CDK4: variants seen among roughly 807,000 people sequenced by gnomAD.
CDK4 encodes the protein cyclin-dependent kinase 4.
In CDK4, 13 loss-of-function variants were observed where a neutral mutation model predicts 36.7. That is an observed-to-expected ratio of 0.35 (90% CI 0.23 to 0.56). CDK4 has a LOEUF of 0.56. CDK4 is among the 20% of genes least tolerant of loss of function. The pLI is 0.85. For missense variants in CDK4, 285 were observed against 387.3 expected (o/e 0.74, Z 2.22); for synonymous variants, 158 against 146.4 (o/e 1.08, Z -0.57).
At chr12:57,750,607 C>G (rs780676144) in intron 5 of CDK4, 49 bp downstream of exon 5, 8 of 1,286,482 alleles carry the variant, frequency 6.2e-6, no homozygotes, top group Non-Finnish European at 7.9e-6. Flanking sequence ...GGTTTATGAA[C>G]AAGCGATTTG....
At position 57,751,199 on chromosome 12, in the gene CDK4, CCA is replaced by C; in HGVS notation, c.354+6_354+7del. 6.2e-7 allele frequency: 1 copy of C among 1,614,174 alleles called. No homozygotes were observed. Among genetic ancestry groups the C allele is most frequent in the Non-Finnish European group, 8.5e-7 (1 of 1,180,034 alleles). On this transcript the variant is annotated splice_donor_region_variant and intron_variant, in intron 3 of 7. Coordinates refer to ENST00000257904, the MANE Select transcript of CDK4 (RefSeq NM_000075.4). This position sits in a 1 kb window ranked among gnomAD's most constrained non-coding sequence, Gnocchi z 4.5. ...ATCCACCTCTCAATGCCTACCAACC[CCA>C]CTCACCTTGATCGTTTCGGCTGGCA...
chr12:57,749,383 G>C (rs2140383484), intron 6 of CDK4, 66 bp from the exon 7 acceptor site: 1 of 1,613,174 alleles, frequency 6.2e-7, no homozygotes. Context: ...GGCAGAGCCA[G>C]TTGCCATCCT....
At chr12:57,750,429 T>C in intron 5 of CDK4, 4 of 529,454 alleles carry the variant, frequency 7.6e-6, no homozygotes, top group South Asian at 7.3e-5. Context: ...TAGCCAAGCA[T>C]GGAGGTGCGT....
At chr12:57,750,513 G>A (rs534816086) in intron 5 of CDK4, 143 bp downstream of exon 5, 19 of 728,148 alleles carry the variant, frequency 2.6e-5, no homozygotes, top group African/African-American at 1.7e-4. Context: ...GCTGCAGTGA[G>A]CTGTGATCAT....
In CDK4 at chr12:57,751,955, CT is replaced by C; in HGVS notation, c.-20+219del. 1.7e-6 allele frequency: 1 copy of C among 577,188 alleles called. No homozygotes were observed. Among genetic ancestry groups the C allele is most frequent in the South Asian group, 2.0e-5 (1 of 50,132 alleles). The allele number at this position is 577,188 out of a possible 1,614,324, so 35.8% of individuals were successfully genotyped here. On this transcript the variant is annotated intron_variant, in intron 1 of 7. Coordinates refer to ENST00000257904, the MANE Select transcript of CDK4 (RefSeq NM_000075.4). This position sits in a 1 kb window ranked among gnomAD's most constrained non-coding sequence, Gnocchi z 4.5. ...GCCCTGCAATAGAAAACGCTTTTTCCTTTGGGACAATCGCGCCCCGCACAAA... is the reference window on the plus strand; with the variant it reads ...GCCCTGCAATAGAAAACGCTTTTTCCTTGGGACAATCGCGCCCCGCACAAA...
chr12:57,751,308 G>C lies in CDK4; in HGVS notation c.253C>G (p.Arg85Gly), dbSNP rs759017803. The change falls in exon 3 of 8, where the codon CGG becomes GGG. Residue 85 changes from arginine to glycine, a missense_variant. Transcript: ENST00000257904. This position sits in a 1 kb window ranked among gnomAD's most constrained non-coding sequence, Gnocchi z 4.5. Reference sequence around the variant, plus strand: ...AACACCAGGGTTACCTTGATCTCCCGGTCAGTTCGGGATGTGGCACAGACG... The same window carrying C: ...AACACCAGGGTTACCTTGATCTCCCCGTCAGTTCGGGATGTGGCACAGACG... ...MDVCATSRTD[R>G]EIKVTLVFEH... 6.2e-7 allele frequency: 1 copy of C among 1,614,088 alleles called. No homozygotes were observed. The highest frequency in any genetic ancestry group is 8.5e-7 in the Non-Finnish European group (1 of 1,180,042).
At chr12:57,750,062 G>A (rs1338957034) in intron 5 of CDK4, 5 of 159,684 alleles carry the variant, frequency 3.1e-5, no homozygotes, top group Non-Finnish European at 5.5e-5. Context: ...GCTGAGATGG[G>A]AGGATTGCTT....
At position 57,748,221 on chromosome 12, in the gene CDK4, T is replaced by TA. The variant is rs59185470; in HGVS notation, c.*303dup. ...CAAAGCCAAACAGAGGAAGAAACAT[T>TA]AAAAAAAAAAAAAAGACCATTATTT... On this transcript the variant is annotated 3_prime_UTR_variant, in exon 8 of 8. Coordinates refer to ENST00000257904, the MANE Select transcript of CDK4 (RefSeq NM_000075.4). 24,042 of 314,530 alleles carry TA rather than the reference T, an allele frequency of 0.076. 101 individuals are homozygous for TA. Among genetic ancestry groups the TA allele is most frequent in the Middle Eastern group, 0.089 (91 of 1,018 alleles). The allele number at this position is 314,530 out of a possible 1,614,324, so 19.5% of individuals were successfully genotyped here. A position where few individuals can be genotyped will look rare whatever the true frequency, so the allele number is the denominator to read the frequency against.
chr12:57,748,922 T>G (rs925048579), intron 7 of CDK4: 7 of 563,064 alleles, frequency 1.2e-5, no homozygotes, highest in Admixed American at 3.1e-5. Context: ...GCCAGGCTGG[T>G]CTCGAACTCC....
chr12:57,750,728 A>G lies in CDK4; in HGVS notation c.560T>C (p.Leu187Pro). 6.2e-7 allele frequency: 1 copy of G among 1,614,190 alleles called. No homozygotes were observed. ...TLWYRAPEVL[L>P]QSTYATPVDM... is the part of the protein sequence containing the mutation. ...CACAGGTGTTGCATATGTGGACTGC[A>G]GAAGAACTTCGGGAGCTCGGTACCA... The change falls in exon 5 of 8, where the codon CTG becomes CCG. Residue 187 changes from leucine to proline, a missense_variant. Coordinates refer to ENST00000257904, the MANE Select transcript of CDK4 (RefSeq NM_000075.4).
rs2140387739 is a variant in CDK4 at position 57,751,386 on chromosome 12, C to G, written c.219-44G>C. The G allele has an allele frequency of 1.2e-6, 2 of 1,613,920 alleles. No individual in the cohort carries two copies. Among genetic ancestry groups the G allele is most frequent in the Non-Finnish European group, 1.7e-6 (2 of 1,179,936 alleles). On this transcript the variant is annotated intron_variant, in intron 2 of 7. Coordinates refer to ENST00000257904, the MANE Select transcript of CDK4 (RefSeq NM_000075.4). This position sits in a 1 kb window ranked among gnomAD's most constrained non-coding sequence, Gnocchi z 4.5. Reference sequence around the variant, plus strand: ...CACTTTTCAATCCCCTTTAACCCAACATGGCCTCTCATTATTTCCTCAGGG... The same window carrying G: ...CACTTTTCAATCCCCTTTAACCCAAGATGGCCTCTCATTATTTCCTCAGGG...
rs1555201052 is a variant in CDK4, at chr12:57,748,708, C to CTTCTT, written c.820-92_820-91insAAGAA. Reference sequence around the variant, plus strand: ...CCTGGGATGAGCTTTCTTCTTTTTTCTTTTTTTTTTTTTTTGAGACGGAGT... The same window carrying CTTCTT: ...CCTGGGATGAGCTTTCTTCTTTTTTCTTCTTTTTTTTTTTTTTTTTGAGACGGAGT... On this transcript the variant is annotated intron_variant, in intron 7 of 7. Transcript: ENST00000257904. 220 of 693,790 alleles carry CTTCTT rather than the reference C, an allele frequency of 3.2e-4. 1 individual carries two copies. Among genetic ancestry groups the CTTCTT allele is most frequent in the South Asian group, 2.3e-3 (150 of 64,140 alleles). The allele number at this position is 693,790 out of a possible 1,614,324, so 43.0% of individuals were successfully genotyped here.
chr12:57,750,539 C>T, intron 5 of CDK4, 117 bp downstream of exon 5: 3 of 787,576 alleles, frequency 3.8e-6, no homozygotes, highest in South Asian at 2.7e-5. Flanking sequence ...TGCAATCCAG[C>T]CTGGGCAACA....
intron 5 of CDK4, chr12:57,749,781 G>A: frequency 2.0e-6 from 1 of 500,380 alleles, no homozygotes; most frequent in East Asian, 3.6e-5. Context: ...GGTGGATCAT[G>A]AGGTCAAGAG....
rs1395127864 is a variant in CDK4, at chr12:57,748,410, T to A, written c.*115A>T. On this transcript the variant is annotated 3_prime_UTR_variant, in exon 8 of 8. Coordinates refer to ENST00000257904, the MANE Select transcript of CDK4 (RefSeq NM_000075.4). ...CATTAAGGCAGCAAAGTAATCTCTG[T>A]AGAAAGATGGAGGAGGACCCTCCAT... 22 of 802,414 alleles carry A rather than the reference T, an allele frequency of 2.7e-5. No individual in the cohort carries two copies. The highest frequency in any genetic ancestry group is 4.0e-5 in the Non-Finnish European group (18 of 448,322). The allele number at this position is 802,414 out of a possible 1,614,324, so 49.7% of individuals were successfully genotyped here.
At chr12:57,748,970 T>A in intron 7 of CDK4, 1 of 648,288 alleles carries the variant, frequency 1.5e-6, no homozygotes, top group Non-Finnish European at 2.7e-6. Context: ...CCTCCCAAAG[T>A]GCTGGGATTA....
In CDK4 at chr12:57,751,965, A is replaced by G. The variant is rs972419557; in HGVS notation, c.-20+210T>C. 6 of 559,192 alleles carry G rather than the reference A, an allele frequency of 1.1e-5. No individual in the cohort carries two copies. In the African/African-American group the frequency reaches 1.1e-4, roughly 11 times the overall value. 34.6% of individuals were successfully genotyped at this position (559,192 alleles called of 1,614,324 possible). Reference sequence around the variant, plus strand: ...AGAAAACGCTTTTTCCTTTGGGACAATCGCGCCCCGCACAAAGATCACACA... The same window carrying G: ...AGAAAACGCTTTTTCCTTTGGGACAGTCGCGCCCCGCACAAAGATCACACA... On this transcript the variant is annotated intron_variant, in intron 1 of 7. Coordinates refer to ENST00000257904, the MANE Select transcript of CDK4 (RefSeq NM_000075.4). The surrounding 1 kb of genome is among the most constrained non-coding windows in gnomAD (Gnocchi z 4.5).
chr12:57,748,701 C>G (rs1280286879), intron 7 of CDK4, 84 bp from the exon 8 acceptor site: 1 of 826,484 alleles, frequency 1.2e-6, no homozygotes, highest in African/African-American at 1.8e-5. Context: ...GAGCTTTCTT[C>G]TTTTTTCTTT....
rs587778186 is a variant in CDK4 at position 57,750,765 on chromosome 12, C to T, written c.523G>A (p.Val175Ile). 2 of 1,612,944 alleles carry T rather than the reference C, an allele frequency of 1.2e-6. No homozygotes were observed. Among genetic ancestry groups the T allele is most frequent in the Non-Finnish European group, 1.7e-6 (2 of 1,179,040 alleles). ...GGAGCTCGGTACCAGAGTGTAACAA[C>T]CTAAAGGGAATAGGAAGAATGGATG... ...YSYQMALTPV[V>I]VTLWYRAPEV... is the part of the protein sequence containing the mutation. Residue 175 changes from valine to isoleucine, a missense_variant and splice_region_variant, in exon 5 of 8, where the codon GTT becomes ATT. Physicochemically the swap from Val to Ile is conservative, Grantham distance 29 (BLOSUM62 3). Coordinates refer to ENST00000257904, the MANE Select transcript of CDK4 (RefSeq NM_000075.4).
Sources: allele counts gnomAD v4.1 joint callset, GRCh38; gene constraint gnomAD v4.1.1; non-coding constraint Gnocchi (gnomAD v3.1); transcripts MANE v1.5; gene names NCBI Gene and HGNC (gene_info 2026-07-23, HGNC 2026-07-21).